MCC: variants seen among roughly 807,000 people sequenced by gnomAD.
MCC encodes the protein colorectal mutant cancer protein.
A neutral mutation model predicts 116.2 loss-of-function variants in MCC; 90 were observed. The ratio of observed to expected loss-of-function variants is 0.77; its 90% CI spans 0.65 to 0.92. The LOEUF is 0.92. Among genes scored for constraint, MCC ranks in the 40% least tolerant of loss-of-function variants. MCC has a pLI of 0.00. For missense variants in MCC, 1,516 were observed against 1,312.2 expected (o/e 1.16, Z -2.40); for synonymous variants, 578 against 510.5 (o/e 1.13, Z -1.78).
chr5:113,024,852 G>T lies in MCC; in HGVS notation c.*2450C>A, dbSNP rs888693327. 1 of 151,964 alleles carries T rather than the reference G, an allele frequency of 6.6e-6. No homozygotes were observed. The highest frequency in any genetic ancestry group is 2.4e-5 in the African/African-American group (1 of 41,362). 9.4% of individuals were successfully genotyped at this position (151,964 alleles called of 1,614,324 possible). A position where few individuals can be genotyped will look rare whatever the true frequency, so the allele number is the denominator to read the frequency against. ...GGAGTATTTGAAAAATACAAGAAAA[G>T]GAAAAACTTTTATAGCTTTTTTATT... On this transcript the variant is annotated 3_prime_UTR_variant, in exon 19 of 19. Transcript: ENST00000408903.
intron 3 of MCC, among the ~76,000 whole-genome samples, chr5:113,298,007 C>A (rs1561514125): frequency 6.6e-6 from 1 of 152,138 alleles, no homozygotes; most frequent in East Asian, 1.9e-4. Flanking sequence ...AGATGTTCAG[C>A]AGGAGCTTGA....
intron 2 of MCC, among the ~76,000 whole-genome samples, chr5:113,355,930 G>A (rs533627645): frequency 2.0e-5 from 3 of 152,180 alleles, no homozygotes; most frequent in Non-Finnish European, 4.4e-5. Flanking sequence ...CATGGCATCT[G>A]GCATCCCTGT....
At chr5:113,321,905 C>T (rs1332767091) in intron 3 of MCC, among the ~76,000 whole-genome samples, 1 of 152,142 alleles carries the variant, frequency 6.6e-6, no homozygotes. Context: ...CATCTTGGCT[C>T]ACTGCAACCT....
At position 113,445,689 on chromosome 5, in the gene MCC, G is replaced by A. The variant is rs1332550077; in HGVS notation, c.170+42556C>T. ...GCCCAAAGCGATCTACAGATTCAATGCTATTCCTATCAAACACCAAACTAT... is the reference window on the plus strand; with the variant it reads ...GCCCAAAGCGATCTACAGATTCAATACTATTCCTATCAAACACCAAACTAT... On this transcript the variant is annotated intron_variant, in intron 1 of 18. Coordinates refer to ENST00000408903, the MANE Select transcript of MCC (RefSeq NM_001085377.2). Among the ~76,000 whole-genome samples the A allele has an allele frequency of 3.3e-5, 5 of 152,116 alleles. No individual in the cohort carries two copies. In the South Asian group the frequency reaches 6.2e-4, roughly 19 times the overall value.
chr5:113,456,816 G>A (rs1205517280), intron 1 of MCC, among the ~76,000 whole-genome samples: 1 of 151,558 alleles, frequency 6.6e-6, no homozygotes, highest in Non-Finnish European at 1.5e-5. Flanking sequence ...TAAGTTCTAG[G>A]GTACATGTGC....
chr5:113,434,036 G>A lies in MCC; in HGVS notation c.171-48824C>T. The A allele has an allele frequency of 6.2e-7, 1 of 1,614,066 alleles. No individual in the cohort carries two copies. Among genetic ancestry groups the A allele is most frequent in the Non-Finnish European group, 8.5e-7 (1 of 1,179,914 alleles). ...GTGCCTTGGGCTGCATCCAGCAGTGGCTGAGGATCTCGTCGATGTGGAGCC... is the reference window on the plus strand; with the variant it reads ...GTGCCTTGGGCTGCATCCAGCAGTGACTGAGGATCTCGTCGATGTGGAGCC... On this transcript the variant is annotated intron_variant, in intron 1 of 18. Transcript: ENST00000408903. The surrounding 1 kb of genome is among the most constrained non-coding windows in gnomAD (Gnocchi z 4.2).
At chr5:113,034,242 G>A (rs1751169480) in intron 17 of MCC, among the ~76,000 whole-genome samples, 1 of 152,084 alleles carries the variant, frequency 6.6e-6, no homozygotes, top group Admixed American at 6.5e-5. Context: ...TTTCAAGGCA[G>A]TGGAATATAC....
intron 8 of MCC, among the ~76,000 whole-genome samples, chr5:113,088,896 G>A (rs1020463742): frequency 3.3e-5 from 5 of 152,198 alleles, no homozygotes; most frequent in Admixed American, 6.5e-5. Context: ...AGATTTTCCC[G>A]TTTTAGCCTC....
intron 3 of MCC, chr5:113,269,249 C>T: frequency 7.1e-6 from 7 of 983,718 alleles, no homozygotes; most frequent in Non-Finnish European, 8.4e-6. Flanking sequence ...GGGACTGGGC[C>T]TTTTGACTTC....
At chr5:113,174,730 C>T (rs1761241903) in intron 3 of MCC, among the ~76,000 whole-genome samples, 1 of 151,574 alleles carries the variant, frequency 6.6e-6, no homozygotes, top group African/African-American at 2.4e-5. Flanking sequence ...ACCTCCCAAG[C>T]AAGCATCTGG....
chr5:113,058,223 A>G (rs10054341), intron 14 of MCC, among the ~76,000 whole-genome samples: 136,426 of 152,240 alleles, frequency 0.9, 61,418 homozygotes, highest in East Asian at 1. Flanking sequence ...AAATCACAAA[A>G]TTCAAAGAGT....
At chr5:113,153,095 A>G in intron 3 of MCC, among the ~76,000 whole-genome samples, 1 of 152,180 alleles carries the variant, frequency 6.6e-6, no homozygotes, top group South Asian at 2.1e-4. Flanking sequence ...ATTTTTCTTC[A>G]GCATCTGACA....
intron 1 of MCC, among the ~76,000 whole-genome samples, chr5:113,473,011 T>C (rs942776360): frequency 1.3e-5 from 2 of 152,220 alleles, no homozygotes; most frequent in East Asian, 1.9e-4. Context: ...GTTGCATTCA[T>C]GATGCTTACA....
chr5:113,196,373 T>C (rs1302379556), intron 3 of MCC, among the ~76,000 whole-genome samples: 5 of 152,146 alleles, frequency 3.3e-5, no homozygotes, highest in Admixed American at 2.6e-4. Context: ...GTAGGGCCCA[T>C]AGCAACCTGG....
At chr5:113,362,148 T>C (rs1768564284) in intron 2 of MCC, among the ~76,000 whole-genome samples, 1 of 152,192 alleles carries the variant, frequency 6.6e-6, no homozygotes, top group Admixed American at 6.5e-5. Context: ...TTTCCTATCA[T>C]ATGGGGTTTA....
intron 3 of MCC, among the ~76,000 whole-genome samples, chr5:113,255,743 A>G (rs1440842969): frequency 1.3e-5 from 2 of 152,168 alleles, no homozygotes; most frequent in Non-Finnish European, 2.9e-5. Context: ...ACCACAGGCT[A>G]ATCCCTGTGG....
chr5:113,296,920 G>A (rs935848299), intron 3 of MCC, among the ~76,000 whole-genome samples: 6 of 152,098 alleles, frequency 3.9e-5, no homozygotes, highest in Non-Finnish European at 5.9e-5. Flanking sequence ...TCAACCAAAA[G>A]AAAAGTAATC....
At chr5:113,454,629 A>T (rs911539712) in intron 1 of MCC, among the ~76,000 whole-genome samples, 2 of 152,218 alleles carry the variant, frequency 1.3e-5, no homozygotes, top group African/African-American at 4.8e-5. Context: ...TATAAATTCA[A>T]AAGATGTTCC....
intron 14 of MCC, among the ~76,000 whole-genome samples, chr5:113,059,698 T>C (rs1753084247): frequency 6.6e-6 from 1 of 152,222 alleles, no homozygotes; most frequent in Non-Finnish European, 1.5e-5. Context: ...GGTTTCTCCT[T>C]TCCGTGATGC....
Sources: gnomAD v4.1 joint callset for allele counts (sites outside exome capture counted in the v4.1 genomes callset) on GRCh38, gnomAD v4.1.1 for gene constraint, Gnocchi (gnomAD v3.1) non-coding constraint, MANE v1.5 for transcripts, NCBI Gene and HGNC (gene_info 2026-07-23, HGNC 2026-07-21) for gene names.